ANKS1B: variants seen among roughly 807,000 people sequenced by gnomAD.
ANKS1B encodes ankyrin repeat and sterile alpha motif domain containing 1B.
A neutral mutation model predicts 148.3 loss-of-function variants in ANKS1B; 36 were observed. That is an observed-to-expected ratio of 0.24 (90% CI 0.19 to 0.32). ANKS1B has a LOEUF of 0.32. ANKS1B is among the 10% of genes least tolerant of loss of function. The pLI is 1.00. For missense variants in ANKS1B, 1,157 were observed against 1,542.6 expected (o/e 0.75, Z 4.19); for synonymous variants, 542 against 560.8 (o/e 0.97, Z 0.47).
intron 15 of ANKS1B, among the ~76,000 whole-genome samples, chr12:99,116,447 ATT>A (rs1215408141): frequency 6.6e-6 from 1 of 152,214 alleles, no homozygotes; most frequent in Non-Finnish European, 1.5e-5. Context: ...TGATCATTTT[ATT>A]AACTAGTACA....
At chr12:99,972,281 A>G (rs1489146745) in intron 1 of ANKS1B, among the ~76,000 whole-genome samples, 1 of 152,250 alleles carries the variant, frequency 6.6e-6, no homozygotes, top group Admixed American at 6.5e-5. Context: ...TAGTGAGGAA[A>G]GCATGTTAAA....
intron 15 of ANKS1B, among the ~76,000 whole-genome samples, chr12:99,125,787 G>C (rs1269953016): frequency 6.6e-6 from 1 of 152,036 alleles, no homozygotes; most frequent in Non-Finnish European, 1.5e-5. Context: ...GGTAGCGTGG[G>C]TGGATAAGAA....
At chr12:99,767,781 C>A (rs1457714133) in intron 8 of ANKS1B, among the ~76,000 whole-genome samples, 1 of 151,994 alleles carries the variant, frequency 6.6e-6, no homozygotes, top group Non-Finnish European at 1.5e-5. Context: ...GTATGCAAGA[C>A]AAAATGCAAT....
At chr12:98,916,909 G>A (rs1241170077) in intron 17 of ANKS1B, among the ~76,000 whole-genome samples, 1 of 151,774 alleles carries the variant, frequency 6.6e-6, no homozygotes, top group African/African-American at 2.4e-5. Context: ...TATATATAAG[G>A]TATTAGCAAA....
At chr12:99,233,136 A>G (rs545062374) in intron 14 of ANKS1B, among the ~76,000 whole-genome samples, 1 of 152,250 alleles carries the variant, frequency 6.6e-6, no homozygotes, top group African/African-American at 2.4e-5. Context: ...AATGAATTTC[A>G]TGTTTAGATT....
intron 1 of ANKS1B, among the ~76,000 whole-genome samples, chr12:99,853,647 A>C (rs1347392840): frequency 1.3e-5 from 2 of 152,138 alleles, no homozygotes; most frequent in East Asian, 3.9e-4. Flanking sequence ...AATCCTGGTA[A>C]TATGGCAAAA....
chr12:99,317,177 T>C (rs2084283132), intron 12 of ANKS1B, among the ~76,000 whole-genome samples: 1 of 152,256 alleles, frequency 6.6e-6, no homozygotes. Flanking sequence ...ATATGAACTT[T>C]AAAGTAGTTT....
intron 17 of ANKS1B, among the ~76,000 whole-genome samples, chr12:98,967,684 C>T (rs1309408313): frequency 1.3e-5 from 1 of 78,062 alleles, no homozygotes; most frequent in East Asian, 3.4e-4. Flanking sequence ...GGGGAGGGAA[C>T]AATTTACTGT....
At chr12:99,187,205 C>T (rs999013133) in intron 14 of ANKS1B, among the ~76,000 whole-genome samples, 1 of 151,624 alleles carries the variant, frequency 6.6e-6, no homozygotes, top group Non-Finnish European at 1.5e-5. Flanking sequence ...ACCAAACCTA[C>T]GTTTGGTTGG....
intron 12 of ANKS1B, among the ~76,000 whole-genome samples, chr12:99,286,173 G>A (rs1467301270): frequency 6.6e-6 from 1 of 151,412 alleles, no homozygotes; most frequent in Non-Finnish European, 1.5e-5. Context: ...AAGAAGAGAG[G>A]GGAGAGGAGG....
chr12:99,316,220 G>C lies in ANKS1B; in HGVS notation c.1757-69356C>G, dbSNP rs371849417. Among the ~76,000 whole-genome samples, 108 of 152,310 alleles carry C rather than the reference G, an allele frequency of 7.1e-4. 2 individuals are homozygous for C. The South Asian group carries it at 0.021, about 29-fold the overall frequency. On this transcript the variant is annotated intron_variant, in intron 12 of 26. Transcript: ENST00000683438. Reference sequence around the variant, plus strand: ...ATTGCTGGGTCAAATGGTATTTCTAGTTCTAGATCCTTGAGGAATTGCCAC... The same window carrying C: ...ATTGCTGGGTCAAATGGTATTTCTACTTCTAGATCCTTGAGGAATTGCCAC...
chr12:98,996,113 A>C (rs749037317), intron 17 of ANKS1B, among the ~76,000 whole-genome samples: 5 of 152,140 alleles, frequency 3.3e-5, no homozygotes, highest in Non-Finnish European at 7.4e-5. Flanking sequence ...ATTCAGAAGA[A>C]TTTTGACTCG....
intron 1 of ANKS1B, among the ~76,000 whole-genome samples, chr12:99,848,117 GAA>G (rs1192751931): frequency 1.3e-5 from 2 of 152,088 alleles, no homozygotes; most frequent in Non-Finnish European, 2.9e-5. Context: ...AGCAGGAGAG[GAA>G]GAGAGCCTGA....
intron 10 of ANKS1B, among the ~76,000 whole-genome samples, chr12:99,489,190 G>A (rs61942101): frequency 3.3e-5 from 5 of 150,546 alleles, no homozygotes; most frequent in Admixed American, 1.3e-4. Flanking sequence ...GGCAGTGAGC[G>A]GAGATGACGC....
In ANKS1B at chr12:99,553,765, G is replaced by A. The variant is rs184801088; in HGVS notation, c.1273-49124C>T. Among the ~76,000 whole-genome samples the A allele has an allele frequency of 2.4e-3, 360 of 152,118 alleles. 2 individuals carry two copies. The highest frequency in any genetic ancestry group is 8.2e-3 in the African/African-American group (340 of 41,488). ...TAAAGGCACCTTGATTTTTATTTGCGGGATCATCTCTCCTCCTCTCCAAAC... is the reference window on the plus strand; with the variant it reads ...TAAAGGCACCTTGATTTTTATTTGCAGGATCATCTCTCCTCCTCTCCAAAC... On this transcript the variant is annotated intron_variant, in intron 9 of 26. Coordinates refer to ENST00000683438, the MANE Select transcript of ANKS1B (RefSeq NM_001352186.2).
At chr12:99,918,904 T>A (rs1005282149) in intron 1 of ANKS1B, among the ~76,000 whole-genome samples, 1 of 152,218 alleles carries the variant, frequency 6.6e-6, no homozygotes, top group African/African-American at 2.4e-5. Context: ...GATGTCTTTA[T>A]AACAAATTTT....
intron 12 of ANKS1B, among the ~76,000 whole-genome samples, chr12:99,286,336 C>T (rs1566811893): frequency 6.6e-6 from 1 of 151,772 alleles, no homozygotes; most frequent in South Asian, 2.1e-4. Flanking sequence ...AGGGAAGGAC[C>T]CAGTCCTGGC....
At chr12:99,820,170 C>T (rs186785218) in intron 2 of ANKS1B, among the ~76,000 whole-genome samples, 1 of 151,910 alleles carries the variant, frequency 6.6e-6, no homozygotes, top group African/African-American at 2.4e-5. Flanking sequence ...TCTGTGATTA[C>T]AAATAACCCA....
At chr12:98,761,386 G>C (rs1182599379) in intron 25 of ANKS1B, among the ~76,000 whole-genome samples, 1 of 152,188 alleles carries the variant, frequency 6.6e-6, no homozygotes, top group African/African-American at 2.4e-5. Context: ...CGGAAGGGAA[G>C]GGGTATACTT....
Sources: allele counts gnomAD v4.1 joint callset (sites outside exome capture counted in the v4.1 genomes callset), GRCh38; gene constraint gnomAD v4.1.1; transcripts MANE v1.5; gene names NCBI Gene and HGNC (gene_info 2026-07-23, HGNC 2026-07-21).